The following ERBIN variants were observed in gnomAD, a reference collection of about 807,000 sequenced individuals.
The protein encoded by ERBIN is densin-180-like protein.
A neutral mutation model predicts 158.4 loss-of-function variants in ERBIN; 60 were observed. That is an observed-to-expected ratio of 0.38 (90% confidence interval 0.31 to 0.47). The LOEUF (loss-of-function observed/expected upper bound fraction) is 0.47, where lower values mean the gene tolerates loss of function less well. Ranked by LOEUF, ERBIN falls within the 20% of genes least tolerant of loss-of-function variation. The pLI, the probability that ERBIN is intolerant of heterozygous loss-of-function variation, is 0.99. For missense variants in ERBIN, 1,610 were observed against 1,648.0 expected (o/e 0.98, Z 0.40); for synonymous variants, 594 against 557.2 (o/e 1.07, Z -0.93).
At chr5:66,000,841 G>A (rs1417852252) in intron 4 of ERBIN, among the ~76,000 whole-genome samples, 1 of 152,138 alleles carries the variant, frequency 6.6e-6, no homozygotes, top group Non-Finnish European at 1.5e-5. Context: ...CTATGATAGT[G>A]TCAGAAGTTA....
chr5:66,034,512 C>T (rs1018914971), intron 14 of ERBIN, among the ~76,000 whole-genome samples: 1 of 151,888 alleles, frequency 6.6e-6, no homozygotes, highest in African/African-American at 2.4e-5. Flanking sequence ...TTATTGAACT[C>T]CTGACTTCAT....
intron 1 of ERBIN, among the ~76,000 whole-genome samples, chr5:65,957,329 A>G (rs1747277227): frequency 6.6e-6 from 1 of 152,118 alleles, no homozygotes; most frequent in South Asian, 2.1e-4. Flanking sequence ...ACAAGTGAAC[A>G]AAGGTCTCTG....
chr5:65,976,146 G>A (rs906352394), intron 1 of ERBIN, among the ~76,000 whole-genome samples: 2 of 152,150 alleles, frequency 1.3e-5, no homozygotes, highest in African/African-American at 2.4e-5. Context: ...CTACAGGATC[G>A]TATCTTATGG....
At chr5:65,950,949 A>G (rs1746429011) in intron 1 of ERBIN, among the ~76,000 whole-genome samples, 1 of 152,206 alleles carries the variant, frequency 6.6e-6, no homozygotes, top group South Asian at 2.1e-4. Flanking sequence ...GTCACTTTAC[A>G]CTTTTGAAAT....
intron 1 of ERBIN, among the ~76,000 whole-genome samples, chr5:65,988,411 G>C (rs1229113005): frequency 6.6e-6 from 1 of 151,574 alleles, no homozygotes; most frequent in African/African-American, 2.4e-5. Context: ...TTAGAAGCTG[G>C]TAAATATGTG....
intron 1 of ERBIN, among the ~76,000 whole-genome samples, chr5:65,983,861 TG>T (rs1460503417): frequency 6.6e-6 from 1 of 152,092 alleles, no homozygotes; most frequent in Non-Finnish European, 1.5e-5. Context: ...TGGGTGACTG[TG>T]GTTGTGCGCC....
At chr5:66,014,495 G>A (rs1435013212) in intron 6 of ERBIN, among the ~76,000 whole-genome samples, 174 bp from the exon 7 acceptor site, 1 of 152,110 alleles carries the variant, frequency 6.6e-6, no homozygotes, top group Non-Finnish European at 1.5e-5. Flanking sequence ...ATTTTGAGGA[G>A]CAAAAATAAG....
rs777794011 is a variant in ERBIN at position 66,053,692 on chromosome 5, G to C, written c.2374G>C (p.Gly792Arg). ...ERSKTQDIVL[G>R]TSFLSINSKE... ...ATCAAAAACACAGGATATTGTGCTT[G>C]GAACAAGCTTTTTAAGCATTAATTC... Residue 792 changes from glycine to arginine, a missense_variant, in exon 21 of 26, where the codon GGA (glycine) becomes CGA (arginine). This residue lies in a region of ERBIN where 1,014 missense variants were observed against 936.1 expected (regional missense o/e 1.08). Transcript: ENST00000284037. The C allele has an allele frequency of 6.2e-7, 1 of 1,613,828 alleles. No homozygotes were observed. Among genetic ancestry groups the C allele is most frequent in the East Asian group, 2.2e-5 (1 of 44,862 alleles).
At chr5:65,968,853 G>A (rs941684668) in intron 1 of ERBIN, among the ~76,000 whole-genome samples, 3 of 152,254 alleles carry the variant, frequency 2.0e-5, no homozygotes, top group African/African-American at 4.8e-5. Context: ...GAGCCACTGC[G>A]CCTGGCCTAT....
At chr5:66,075,736 C>A (rs1402530721) in intron 23 of ERBIN, among the ~76,000 whole-genome samples, 1 of 152,020 alleles carries the variant, frequency 6.6e-6, no homozygotes, top group East Asian at 1.9e-4. Flanking sequence ...GGTTGTGTCT[C>A]TGGTGAAAGG....
At chr5:65,985,674 G>C (rs979973386) in intron 1 of ERBIN, among the ~76,000 whole-genome samples, 1 of 152,100 alleles carries the variant, frequency 6.6e-6, no homozygotes, top group African/African-American at 2.4e-5. Context: ...CTATCTATCT[G>C]TCTACAAATC....
At chr5:66,019,593 T>A (rs915219797) in intron 7 of ERBIN, among the ~76,000 whole-genome samples, 1 of 152,208 alleles carries the variant, frequency 6.6e-6, no homozygotes, top group Non-Finnish European at 1.5e-5. Context: ...GCCACAGTTG[T>A]CAGTATTAAC....
At chr5:66,075,921 C>G (rs199763415) in intron 23 of ERBIN, among the ~76,000 whole-genome samples, 4 of 151,990 alleles carry the variant, frequency 2.6e-5, no homozygotes, top group Non-Finnish European at 4.4e-5. Context: ...TCTTATGTAA[C>G]AAGCCACTAA....
intron 4 of ERBIN, among the ~76,000 whole-genome samples, chr5:65,997,239 G>C (rs1474667655): frequency 6.6e-6 from 1 of 152,148 alleles, no homozygotes; most frequent in Admixed American, 6.5e-5. Context: ...GTGAGCTGTG[G>C]GTTTGTCACA....
intron 1 of ERBIN, among the ~76,000 whole-genome samples, chr5:65,944,970 T>C (rs1745563043): frequency 6.6e-6 from 1 of 152,130 alleles, no homozygotes; most frequent in Non-Finnish European, 1.5e-5. Flanking sequence ...AAAAAGCAAA[T>C]ATCAAATTTA....
At chr5:66,046,580 C>T in intron 18 of ERBIN, 42 bp downstream of exon 18, 2 of 1,400,820 alleles carry the variant, frequency 1.4e-6, no homozygotes, top group Non-Finnish European at 1.9e-6. Flanking sequence ...TAAGAACTTT[C>T]AATTTAATAT....
chr5:66,001,144 G>A (rs1752977761), intron 4 of ERBIN, among the ~76,000 whole-genome samples: 4 of 152,028 alleles, frequency 2.6e-5, no homozygotes, highest in Admixed American at 2.6e-4. Flanking sequence ...TTAAGCAAAT[G>A]TAATATTTTG....
chr5:66,018,101 G>C (rs1468390041), intron 7 of ERBIN, among the ~76,000 whole-genome samples: 3 of 151,888 alleles, frequency 2.0e-5, no homozygotes, highest in African/African-American at 7.3e-5. Context: ...TTGAAGTCTA[G>C]TAGTGTGATG....
chr5:66,004,461 C>T (rs563411273), intron 4 of ERBIN, among the ~76,000 whole-genome samples: 2 of 152,254 alleles, frequency 1.3e-5, no homozygotes, highest in South Asian at 2.1e-4. Flanking sequence ...TACAGTGGTG[C>T]GATCTCAGCG....
Sources: allele counts gnomAD v4.1 joint callset (sites outside exome capture counted in the v4.1 genomes callset), GRCh38; gene constraint gnomAD v4.1.1; regional missense constraint gnomAD v4.1.1; transcripts MANE v1.5; gene names NCBI Gene and HGNC (gene_info 2026-07-23, HGNC 2026-07-21).